Variants in ANO10 observed in about 807,000 individuals in gnomAD.
ANO10 encodes the protein anoctamin 10, also known as anoctamin-10.
ANO10 carries 77 observed loss-of-function variants against 74.7 expected under a neutral mutation model. That is an observed-to-expected ratio of 1.03 (90% CI 0.86 to 1.25). The LOEUF (loss-of-function observed/expected upper bound fraction) is 1.25, where lower values mean the gene tolerates loss of function less well. ANO10 is among the 50% of genes most tolerant of loss of function. The pLI is 0.00. For missense variants in ANO10, 721 were observed against 778.1 expected, an observed-to-expected ratio of 0.93 and a Z score of 0.87; for synonymous variants, 279 against 284.9, an observed-to-expected ratio of 0.98 and a Z score of 0.21.
intron 11 of ANO10, among the ~76,000 whole-genome samples, chr3:43,487,715 C>T (rs1340054589): frequency 6.6e-6 from 1 of 151,904 alleles, no homozygotes. Context: ...ATTAGTCTTG[C>T]TAGTGGTCTA....
At chr3:43,388,445 C>T (rs2092187606) in intron 12 of ANO10, among the ~76,000 whole-genome samples, 1 of 152,072 alleles carries the variant, frequency 6.6e-6, no homozygotes, top group South Asian at 2.1e-4. Context: ...TGTGTGAATG[C>T]ATGCCCTTAT....
intron 1 of ANO10, 22 bp downstream of exon 1, chr3:43,621,887 C>T (rs1200776475): frequency 1.3e-5 from 2 of 152,384 alleles, no homozygotes; most frequent in African/African-American, 4.8e-5. Flanking sequence ...CTGGGGGGTC[C>T]GAGGTGCCCT....
At chr3:43,535,558 G>A (rs1485797594) in intron 11 of ANO10, among the ~76,000 whole-genome samples, 3 of 152,268 alleles carry the variant, frequency 2.0e-5, no homozygotes, top group Admixed American at 6.5e-5. Flanking sequence ...ACAGACATGA[G>A]CCACAGCGCC....
chr3:43,657,734 C>G (rs554113776), intron 1 of ANO10, among the ~76,000 whole-genome samples: 1 of 152,326 alleles, frequency 6.6e-6, no homozygotes, highest in African/African-American at 2.4e-5. Flanking sequence ...CCTAGCCATT[C>G]TGTCACCCCT....
At chr3:43,462,939 C>G (rs953029175) in intron 11 of ANO10, among the ~76,000 whole-genome samples, 1 of 152,206 alleles carries the variant, frequency 6.6e-6, no homozygotes, top group Non-Finnish European at 1.5e-5. Flanking sequence ...GGTGTTGAGG[C>G]TGTGAGCACA....
chr3:43,643,973 C>T (rs1048780554), intron 1 of ANO10, among the ~76,000 whole-genome samples: 1 of 152,072 alleles, frequency 6.6e-6, no homozygotes, highest in African/African-American at 2.4e-5. Flanking sequence ...CGTGAGCCAC[C>T]GCTGAGATAA....
At chr3:43,394,038 A>T (rs1051806698) in intron 12 of ANO10, among the ~76,000 whole-genome samples, 1 of 152,140 alleles carries the variant, frequency 6.6e-6, no homozygotes, top group South Asian at 2.1e-4. Context: ...ACAGGGTATC[A>T]TAACTTTTTT....
chr3:43,688,027 C>T (rs183439144), intron 1 of ANO10, among the ~76,000 whole-genome samples: 1 of 152,314 alleles, frequency 6.6e-6, no homozygotes, highest in Admixed American at 6.5e-5. Flanking sequence ...ATGACTCCAT[C>T]AGCAGCAAGG....
At chr3:43,615,193 T>C (rs1575551504) in intron 1 of ANO10, among the ~76,000 whole-genome samples, 2 of 152,254 alleles carry the variant, frequency 1.3e-5, no homozygotes, top group South Asian at 4.1e-4. Flanking sequence ...TCCTCACCCC[T>C]TGAAGAAGAA....
At chr3:43,566,951 T>A (rs977465718) in intron 7 of ANO10, among the ~76,000 whole-genome samples, 4 of 152,198 alleles carry the variant, frequency 2.6e-5, no homozygotes, top group Non-Finnish European at 4.4e-5. Flanking sequence ...TTCAGAAGAA[T>A]CTATAACTAG....
intron 1 of ANO10, among the ~76,000 whole-genome samples, chr3:43,670,327 A>AATAC (rs1404304926): frequency 7.0e-6 from 1 of 143,024 alleles, no homozygotes; most frequent in East Asian, 2.0e-4. Context: ...CCCTTTCTTA[A>AATAC]ATAAATAAAT....
Position 43,366,793 on chromosome 3 carries a change from T to G in ANO10, c.*113A>C. ...GGGAGCCACTTCGTTTGGCTAAGCATTGGGTCTGGGTTCAGGAGCCACGAT... is the reference window on the plus strand; with the variant it reads ...GGGAGCCACTTCGTTTGGCTAAGCAGTGGGTCTGGGTTCAGGAGCCACGAT... On this transcript the variant is annotated 3_prime_UTR_variant, in exon 13 of 13. Transcript: ENST00000292246. The G allele has an allele frequency of 2.7e-6, 3 of 1,109,248 alleles. No individual in the cohort carries two copies. Among genetic ancestry groups the G allele is most frequent in the Non-Finnish European group, 4.0e-6 (3 of 749,538 alleles). The allele number at this position is 1,109,248 out of a possible 1,614,324, so 68.7% of individuals were successfully genotyped here. A position where few individuals can be genotyped will look rare whatever the true frequency, so the allele number is the denominator to read the frequency against.
intron 1 of ANO10, chr3:43,690,621 C>T (rs771204869): frequency 4.2e-6 from 1 of 239,788 alleles, no homozygotes; most frequent in Non-Finnish European, 8.0e-6. Context: ...GCACCTCCGT[C>T]CCCAAGGTGC....
intron 9 of ANO10, among the ~76,000 whole-genome samples, chr3:43,560,995 T>C (rs766652571): frequency 6.6e-6 from 1 of 152,228 alleles, no homozygotes. Flanking sequence ...TTCTCCAAAT[T>C]TGCCCTTTGG....
intron 11 of ANO10, among the ~76,000 whole-genome samples, chr3:43,447,789 A>G (rs1575839546): frequency 1.3e-5 from 2 of 152,324 alleles, no homozygotes; most frequent in African/African-American, 2.4e-5. Context: ...AGTTTCCCCT[A>G]TTATTAAGGT....
At position 43,629,116 on chromosome 3, in the gene ANO10, G is replaced by A. The variant is rs539914362; in HGVS notation, c.-11-23253C>T. 3.2e-3 allele frequency among the ~76,000 whole-genome samples: 494 copies of A among 152,128 alleles called. 5 individuals are homozygous for A. Among genetic ancestry groups the A allele is most frequent in the Admixed American group, 0.011 (169 of 15,284 alleles). ...CCTACCAACATGTGATGTCTCCCCCGGACACCCAGCTTTAAAATTTCTCTC... is the reference window on the plus strand; with the variant it reads ...CCTACCAACATGTGATGTCTCCCCCAGACACCCAGCTTTAAAATTTCTCTC... On this transcript the variant is annotated intron_variant, in intron 1 of 3. Transcript: ENST00000413397.
chr3:43,407,048 C>T (rs191733535), intron 12 of ANO10, among the ~76,000 whole-genome samples: 3 of 152,184 alleles, frequency 2.0e-5, no homozygotes, highest in African/African-American at 7.2e-5. Context: ...GGACTACAGG[C>T]ATGTGCCACC....
chr3:43,677,455 T>C (rs747857287), intron 1 of ANO10, among the ~76,000 whole-genome samples: 8 of 152,158 alleles, frequency 5.3e-5, no homozygotes, highest in Non-Finnish European at 8.8e-5. Context: ...GCATTACACA[T>C]TGGTGGGATA....
At chr3:43,498,618 C>T (rs2076994365) in intron 11 of ANO10, among the ~76,000 whole-genome samples, 1 of 152,178 alleles carries the variant, frequency 6.6e-6, no homozygotes, top group South Asian at 2.1e-4. Flanking sequence ...AGAGGAAACC[C>T]AGCCATTCCC....
Sources: allele counts gnomAD v4.1 joint callset (sites outside exome capture counted in the v4.1 genomes callset), GRCh38; gene constraint gnomAD v4.1.1; transcripts MANE v1.5; gene names NCBI Gene and HGNC (gene_info 2026-07-23, HGNC 2026-07-21).